The following GALNTL6 variants were observed in gnomAD, a reference collection of about 807,000 sequenced individuals.
GALNTL6 encodes polypeptide N-acetylgalactosaminyltransferase-like 6.
A neutral mutation model predicts 73.7 loss-of-function variants in GALNTL6; 46 were observed. The ratio of observed to expected loss-of-function variants is 0.62; its 90% CI spans 0.49 to 0.80. The LOEUF (loss-of-function observed/expected upper bound fraction) is 0.80. Among genes scored for constraint, GALNTL6 ranks in the 30% least tolerant of loss-of-function variants. The probability of loss-of-function intolerance (pLI) is 0.00; values close to 1 mark genes in which losing one functional copy is unlikely to be tolerated. For missense variants in GALNTL6, 604 were observed against 755.0 expected (o/e 0.80, Z 2.34); for synonymous variants, 259 against 263.7 (o/e 0.98, Z 0.17).
At chr4:172,256,889 C>T (rs114046763) in intron 3 of GALNTL6, among the ~76,000 whole-genome samples, 1 of 151,266 alleles carries the variant, frequency 6.6e-6, no homozygotes, top group Non-Finnish European at 1.5e-5. Context: ...CCTCTATATT[C>T]CCAGAGGAAA....
At chr4:171,920,955 A>G (rs969229608) in intron 2 of GALNTL6, among the ~76,000 whole-genome samples, 3 of 152,116 alleles carry the variant, frequency 2.0e-5, no homozygotes, top group Non-Finnish European at 4.4e-5. Context: ...TTGTATGCGC[A>G]TTGTAAAATC....
chr4:171,963,235 T>TG (rs1387366869), intron 2 of GALNTL6, among the ~76,000 whole-genome samples: 1 of 152,124 alleles, frequency 6.6e-6, no homozygotes. Context: ...CATTAATGTT[T>TG]GGTATGTCCA....
At chr4:172,893,523 ACACT>A (rs955007557) in intron 8 of GALNTL6, among the ~76,000 whole-genome samples, 3 of 152,140 alleles carry the variant, frequency 2.0e-5, no homozygotes, top group Admixed American at 6.5e-5. Context: ...AACCAGCAAA[ACACT>A]CAGGCAGGAC....
chr4:171,958,727 A>G (rs952722057), intron 2 of GALNTL6, among the ~76,000 whole-genome samples: 1 of 152,128 alleles, frequency 6.6e-6, no homozygotes, highest in Non-Finnish European at 1.5e-5. Flanking sequence ...TGAAAAATAA[A>G]TTCTGAAAAC....
chr4:171,973,505 C>T (rs937094798), intron 2 of GALNTL6, among the ~76,000 whole-genome samples: 30 of 152,160 alleles, frequency 2.0e-4, no homozygotes, highest in African/African-American at 6.8e-4. Flanking sequence ...CACATGGATA[C>T]TGTCTCTGTG....
chr4:172,721,249 T>C (rs1735455772), intron 5 of GALNTL6, among the ~76,000 whole-genome samples: 2 of 152,220 alleles, frequency 1.3e-5, no homozygotes, highest in South Asian at 2.1e-4. Context: ...CACATCTTTC[T>C]TTAACATTTA....
At chr4:172,061,827 C>G (rs569750471) in intron 2 of GALNTL6, among the ~76,000 whole-genome samples, 1 of 151,988 alleles carries the variant, frequency 6.6e-6, no homozygotes, top group Non-Finnish European at 1.5e-5. Flanking sequence ...CCACCCTGAA[C>G]GTTCTCAAAA....
At chr4:172,193,031 C>A (rs1286318460) in intron 2 of GALNTL6, among the ~76,000 whole-genome samples, 1 of 152,250 alleles carries the variant, frequency 6.6e-6, no homozygotes, top group African/African-American at 2.4e-5. Flanking sequence ...TGGAATGAAG[C>A]ACCTGGGTGG....
At chr4:172,621,458 T>C (rs551154700) in intron 5 of GALNTL6, among the ~76,000 whole-genome samples, 1 of 152,310 alleles carries the variant, frequency 6.6e-6, no homozygotes, top group East Asian at 1.9e-4. Flanking sequence ...GTTGGGGAAT[T>C]ACTTTCCAGG....
intron 2 of GALNTL6, among the ~76,000 whole-genome samples, chr4:171,892,934 G>GGAGTGTAT (rs1736803401): frequency 6.6e-6 from 1 of 152,128 alleles, no homozygotes; most frequent in South Asian, 2.1e-4. Context: ...TTACCCTGCT[G>GGAGTGTAT]GAGTGTATGG....
At chr4:172,996,772 T>G (rs1332590556) in intron 10 of GALNTL6, among the ~76,000 whole-genome samples, 1 of 152,204 alleles carries the variant, frequency 6.6e-6, no homozygotes, top group African/African-American at 2.4e-5. Context: ...CAAGACGAGC[T>G]ACTTTCCAGT....
chr4:172,851,241 T>C (rs939819177), intron 7 of GALNTL6, among the ~76,000 whole-genome samples: 4 of 152,048 alleles, frequency 2.6e-5, no homozygotes, highest in Non-Finnish European at 4.4e-5. Context: ...CTCAGGAAAT[T>C]ACACAGGTCT....
intron 2 of GALNTL6, among the ~76,000 whole-genome samples, chr4:171,932,315 A>G (rs1005864916): frequency 6.6e-6 from 1 of 152,254 alleles, no homozygotes; most frequent in Non-Finnish European, 1.5e-5. Context: ...TGAAGTTACA[A>G]TACATAACCT....
At chr4:172,183,351 T>C (rs928679436) in intron 2 of GALNTL6, among the ~76,000 whole-genome samples, 5 of 152,186 alleles carry the variant, frequency 3.3e-5, no homozygotes, top group Non-Finnish European at 7.4e-5. Context: ...GGGATATCCT[T>C]AGAGAAAGAA....
At chr4:172,663,732 C>A (rs941400558) in intron 5 of GALNTL6, among the ~76,000 whole-genome samples, 4 of 152,098 alleles carry the variant, frequency 2.6e-5, no homozygotes, top group African/African-American at 9.7e-5. Flanking sequence ...AGTTCAGGAC[C>A]AGCCTGGCCA....
chr4:172,452,403 C>A (rs1579084256), intron 5 of GALNTL6, among the ~76,000 whole-genome samples: 1 of 151,998 alleles, frequency 6.6e-6, no homozygotes, highest in Non-Finnish European at 1.5e-5. Flanking sequence ...GCTGCCCTAC[C>A]CCTAACAAGC....
intron 9 of GALNTL6, among the ~76,000 whole-genome samples, chr4:172,933,282 G>A (rs554894272): frequency 7.1e-4 from 108 of 152,160 alleles, no homozygotes; most frequent in Admixed American, 4.9e-3. Context: ...CCAAGACAAT[G>A]GGTGTGTATG....
intron 5 of GALNTL6, among the ~76,000 whole-genome samples, chr4:172,498,249 A>G (rs1260390576): frequency 2.6e-5 from 4 of 152,008 alleles, no homozygotes; most frequent in Admixed American, 2.0e-4. Flanking sequence ...CAACCTCCCA[A>G]AGTGCTGGGA....
intron 4 of GALNTL6, among the ~76,000 whole-genome samples, chr4:172,341,938 A>C (rs1308578207): frequency 2.0e-5 from 3 of 152,214 alleles, no homozygotes; most frequent in African/African-American, 7.2e-5. Flanking sequence ...ATATAATTTT[A>C]CCTAGACATA....
Sources: allele counts gnomAD v4.1 joint callset (sites outside exome capture counted in the v4.1 genomes callset), GRCh38; gene constraint gnomAD v4.1.1; transcripts MANE v1.5; gene names NCBI Gene and HGNC (gene_info 2026-07-23, HGNC 2026-07-21).